The following AKT3 variants were observed in gnomAD, a reference collection of about 807,000 sequenced individuals.
AKT3 encodes AKT serine/threonine kinase 3, also known as RAC-gamma serine/threonine-protein kinase.
Under a neutral mutation model 65.3 loss-of-function variants are expected in AKT3, and 15 were observed. The observed-to-expected ratio is 0.23, with a 90% CI of 0.15 to 0.35. AKT3 has a LOEUF of 0.35. AKT3 is among the 10% of genes least tolerant of loss of function. AKT3 has a pLI of 1.00. For missense variants in AKT3, 243 were observed against 576.5 expected (o/e 0.42, Z 5.92); for synonymous variants, 206 against 183.8 (o/e 1.12, Z -0.98).
chr1:243,617,730 C>T (rs749282725), intron 6 of AKT3, among the ~76,000 whole-genome samples: 1 of 152,034 alleles, frequency 6.6e-6, no homozygotes. Context: ...TGAAAGTCTA[C>T]TCACGTTCTT....
chr1:243,712,415 C>T (rs957917178), intron 2 of AKT3, among the ~76,000 whole-genome samples: 1 of 152,164 alleles, frequency 6.6e-6, no homozygotes, highest in African/African-American at 2.4e-5. Context: ...GGACACGAAG[C>T]TCTGTCAGTA....
intron 12 of AKT3, among the ~76,000 whole-genome samples, chr1:243,534,085 C>A (rs573641636): frequency 1.3e-5 from 2 of 152,106 alleles, no homozygotes; most frequent in East Asian, 3.9e-4. Flanking sequence ...AGCTAAAAGA[C>A]AGAGACAGTC....
intron 2 of AKT3, among the ~76,000 whole-genome samples, chr1:243,717,132 A>T (rs1345144974): frequency 2.0e-5 from 3 of 152,214 alleles, no homozygotes; most frequent in Non-Finnish European, 4.4e-5. Flanking sequence ...TTTCCTTCAT[A>T]AACTCAGCTT....
At chr1:243,574,260 A>G (rs1394624497) in intron 8 of AKT3, among the ~76,000 whole-genome samples, 7 of 127,710 alleles carry the variant, frequency 5.5e-5, no homozygotes, top group Admixed American at 8.9e-5. Flanking sequence ...TCCCACCCCC[A>G]CCTTCACTTA....
chr1:243,613,455 T>C (rs574504950), intron 8 of AKT3, among the ~76,000 whole-genome samples: 1 of 152,254 alleles, frequency 6.6e-6, no homozygotes, highest in East Asian at 1.9e-4. Flanking sequence ...AAGAAGAATA[T>C]GATTATGCTT....
chr1:243,492,604 G>GTTTTTTTT (rs74162289), intron 13 of AKT3, among the ~76,000 whole-genome samples: 10 of 58,876 alleles, frequency 1.7e-4, no homozygotes, highest in African/African-American at 4.9e-4. Context: ...GCGCCCAGCT[G>GTTTTTTTT]TTTTTTTTTT....
chr1:243,554,429 G>C (rs996299383), intron 10 of AKT3, among the ~76,000 whole-genome samples: 3 of 152,034 alleles, frequency 2.0e-5, no homozygotes, highest in African/African-American at 7.2e-5. Context: ...ACAAATTCTA[G>C]TTTTCATCAT....
chr1:243,561,856 T>A (rs1482466032), intron 10 of AKT3, among the ~76,000 whole-genome samples: 9 of 152,144 alleles, frequency 5.9e-5, no homozygotes, highest in Non-Finnish European at 2.9e-5. Flanking sequence ...CAAAGATGGC[T>A]GTGGCAGTAT....
intron 12 of AKT3, among the ~76,000 whole-genome samples, chr1:243,518,319 G>A (rs1670496491): frequency 6.6e-6 from 1 of 152,168 alleles, no homozygotes; most frequent in African/African-American, 2.4e-5. Flanking sequence ...GGGGAACATT[G>A]TCGGGTAGGG....
chr1:243,673,369 T>G (rs1381359809), intron 3 of AKT3, among the ~76,000 whole-genome samples: 2 of 152,162 alleles, frequency 1.3e-5, no homozygotes, highest in East Asian at 3.9e-4. Context: ...TAAGCACTTT[T>G]TAGAAACAAA....
chr1:243,637,582 T>C, intron 6 of AKT3, 29 bp downstream of exon 6: 1 of 1,563,910 alleles, frequency 6.4e-7, no homozygotes, highest in Non-Finnish European at 8.7e-7. Flanking sequence ...AAACAAAAAT[T>C]TAGTAATCAA....
At chr1:243,801,394 C>A (rs1692372441) in intron 2 of AKT3, among the ~76,000 whole-genome samples, 1 of 152,138 alleles carries the variant, frequency 6.6e-6, no homozygotes, top group Non-Finnish European at 1.5e-5. Flanking sequence ...ATTCCATCAA[C>A]CCATGTATTT....
intron 11 of AKT3, among the ~76,000 whole-genome samples, chr1:243,547,170 G>A (rs918376540): frequency 5.9e-5 from 9 of 151,608 alleles, no homozygotes; most frequent in African/African-American, 1.7e-4. Context: ...GGCCAGTTTC[G>A]AGCTACCAAT....
rs993387156 is a variant in AKT3 at position 243,773,452 on chromosome 1, G to T, written c.46+69673C>A. 2.6e-5 allele frequency among the ~76,000 whole-genome samples: 4 copies of T among 152,016 alleles called. No individual in the cohort carries two copies. In the South Asian group the frequency reaches 8.3e-4, roughly 32 times the overall value. ...TAGGAAGGTCACTTCATCTTTCTAT[G>T]CCTCTTTCAGTTTATCTCTTATAAA... On this transcript the variant is annotated intron_variant, in intron 2 of 13. Coordinates refer to ENST00000673466, the MANE Select transcript of AKT3 (RefSeq NM_005465.7).
chr1:243,718,550 A>G (rs959582896), intron 2 of AKT3, among the ~76,000 whole-genome samples: 1 of 152,026 alleles, frequency 6.6e-6, no homozygotes, highest in African/African-American at 2.4e-5. Context: ...CCTGGATTCA[A>G]GTGATTCTCC....
chr1:243,571,984 C>A (rs1674595367), intron 9 of AKT3, among the ~76,000 whole-genome samples: 1 of 152,140 alleles, frequency 6.6e-6, no homozygotes, highest in Admixed American at 6.6e-5. Context: ...TCTGTTTCTA[C>A]CAATCATTAC....
At chr1:243,643,522 A>G (rs1193094436) in intron 5 of AKT3, among the ~76,000 whole-genome samples, 2 of 152,250 alleles carry the variant, frequency 1.3e-5, no homozygotes, top group African/African-American at 2.4e-5. Flanking sequence ...TCTTTTAATT[A>G]AAACATAGAA....
At chr1:243,728,092 T>G (rs758320468) in intron 2 of AKT3, among the ~76,000 whole-genome samples, 1 of 152,226 alleles carries the variant, frequency 6.6e-6, no homozygotes, top group Non-Finnish European at 1.5e-5. Context: ...TACGTTAACA[T>G]GACTTGACTA....
chr1:243,643,968 T>A (rs1235981358), intron 5 of AKT3, among the ~76,000 whole-genome samples: 1 of 152,228 alleles, frequency 6.6e-6, no homozygotes, highest in African/African-American at 2.4e-5. Context: ...TGAGGCTAAG[T>A]CATTAGGACC....
Sources: allele counts gnomAD v4.1 joint callset (sites outside exome capture counted in the v4.1 genomes callset), GRCh38; gene constraint gnomAD v4.1.1; transcripts MANE v1.5; gene names NCBI Gene and HGNC (gene_info 2026-07-23, HGNC 2026-07-21).